CCDC146: variants seen among roughly 807,000 people sequenced by gnomAD.
CCDC146 encodes the protein coiled-coil domain-containing protein 146.
CCDC146 carries 92 observed loss-of-function variants against 119.3 expected under a neutral mutation model. That is an observed-to-expected ratio of 0.77 (90% CI 0.65 to 0.92). The LOEUF (loss-of-function observed/expected upper bound fraction) is 0.92. CCDC146 is among the 40% of genes least tolerant of loss of function. The pLI, the probability that CCDC146 is intolerant of heterozygous loss-of-function variation, is 0.00. For missense variants in CCDC146, 1,000 were observed against 1,103.0 expected (o/e 0.91, Z 1.32); for synonymous variants, 372 against 371.8 (o/e 1.00, Z -0.01).
intron 2 of CCDC146, among the ~76,000 whole-genome samples, chr7:77,215,332 T>G (rs1459365098): frequency 6.6e-6 from 1 of 152,078 alleles, no homozygotes; most frequent in Non-Finnish European, 1.5e-5. Flanking sequence ...CCAAATCCCT[T>G]TGACATGATT....
Position 77,196,082 on chromosome 7 carries a change from T to A in CCDC146, c.156+28258T>A, listed in dbSNP as rs1043550093. On this transcript the variant is annotated intron_variant, in intron 2 of 18. Transcript: ENST00000285871. The surrounding 1 kb of genome is among the most constrained non-coding windows in gnomAD (Gnocchi z 4.2). ...TAATTGCTTGCAAGTGTTCATTGGA[T>A]AACAGCATAACAACAAAGGACTCCT... 3.8e-6 allele frequency: 2 copies of A among 527,934 alleles called. No individual in the cohort carries two copies. Among genetic ancestry groups the A allele is most frequent in the African/African-American group, 3.8e-5 (2 of 52,906 alleles). 32.7% of individuals were successfully genotyped at this position (527,934 alleles called of 1,614,324 possible).
At chr7:77,214,527 T>C (rs1018990318) in intron 2 of CCDC146, among the ~76,000 whole-genome samples, 3 of 152,124 alleles carry the variant, frequency 2.0e-5, no homozygotes, top group African/African-American at 4.8e-5. Context: ...TCTAGTCTAA[T>C]GTTTAAAAGT....
At chr7:77,194,024 G>C (rs1428509655) in intron 2 of CCDC146, 6 of 152,368 alleles carry the variant, frequency 3.9e-5, no homozygotes, top group Non-Finnish European at 4.4e-5. Flanking sequence ...GAATTTACTA[G>C]AAAAGTGCTG....
rs1554358925 is a variant in CCDC146 at position 77,259,996 on chromosome 7, G to GTGTA, written c.759-12_759-11insGTAT. On this transcript the variant is annotated splice_polypyrimidine_tract_variant and intron_variant, in intron 7 of 18. Coordinates refer to ENST00000285871, the MANE Select transcript of CCDC146 (RefSeq NM_020879.3). ...TGTGTGTGTGTGTGTGTGTGTGTGTGTATCCCCTACAGAGAAATGGAAAAG... is the reference window on the plus strand; with the variant it reads ...TGTGTGTGTGTGTGTGTGTGTGTGTGTGTATATCCCCTACAGAGAAATGGAAAAG... 4 of 960,352 alleles carry GTGTA rather than the reference G, an allele frequency of 4.2e-6. No homozygotes were observed. Among genetic ancestry groups the GTGTA allele is most frequent in the Middle Eastern group, 3.3e-4 (1 of 3,076 alleles). 59.5% of individuals were successfully genotyped at this position (960,352 alleles called of 1,614,324 possible). A position where few individuals can be genotyped will look rare whatever the true frequency, so the allele number is the denominator to read the frequency against.
intron 2 of CCDC146, among the ~76,000 whole-genome samples, chr7:77,215,190 G>GTTT (rs34787359): frequency 1.1e-3 from 158 of 142,480 alleles, no homozygotes; most frequent in African/African-American, 2.1e-3. Flanking sequence ...TTTTTTTGGT[G>GTTT]TTTTTTTTTT....
chr7:77,254,761 A>C (rs915546919), intron 5 of CCDC146, among the ~76,000 whole-genome samples, 198 bp downstream of exon 5: 4 of 152,216 alleles, frequency 2.6e-5, no homozygotes, highest in Non-Finnish European at 5.9e-5. Flanking sequence ...AGACTTTAGC[A>C]ACTTGGCATC....
chr7:77,218,673 A>G (rs1314986641), intron 2 of CCDC146, among the ~76,000 whole-genome samples: 1 of 148,992 alleles, frequency 6.7e-6, no homozygotes, highest in African/African-American at 2.5e-5. Flanking sequence ...ATCACAACTC[A>G]CTGCAGCCTC....
At chr7:77,206,672 T>TATAC (rs1436760781) in intron 2 of CCDC146, among the ~76,000 whole-genome samples, 32 of 130,766 alleles carry the variant, frequency 2.4e-4, no homozygotes, top group East Asian at 8.6e-4. Flanking sequence ...TATATATATA[T>TATAC]ACACACACAC....
chr7:77,256,574 C>G, intron 6 of CCDC146, 65 bp downstream of exon 6: 2 of 1,296,314 alleles, frequency 1.5e-6, no homozygotes, highest in Non-Finnish European at 2.2e-6. Flanking sequence ...GTGTGGGTAT[C>G]AAGAGTAACC....
At chr7:77,143,063 C>T (rs565561918) in intron 1 of CCDC146, among the ~76,000 whole-genome samples, 2 of 151,790 alleles carry the variant, frequency 1.3e-5, no homozygotes, top group Admixed American at 6.6e-5. Context: ...TCTACACATC[C>T]TCTCCAGCAC....
chr7:77,237,084 G>C, intron 3 of CCDC146, 55 bp downstream of exon 3: 6 of 1,392,306 alleles, frequency 4.3e-6, no homozygotes, highest in Non-Finnish European at 6.1e-6. Context: ...TTTCTTACTG[G>C]TGATGAGACC....
intron 8 of CCDC146, among the ~76,000 whole-genome samples, chr7:77,260,814 A>G (rs892228629): frequency 5.3e-5 from 8 of 151,670 alleles, no homozygotes; most frequent in Non-Finnish European, 7.4e-5. Flanking sequence ...TCTTCTCATT[A>G]GAGACAGGGT....
chr7:77,290,523 G>A (rs1562864368), intron 17 of CCDC146, among the ~76,000 whole-genome samples: 1 of 152,194 alleles, frequency 6.6e-6, no homozygotes, highest in Non-Finnish European at 1.5e-5. Context: ...TTTACTCAAA[G>A]TGCATTAGCT....
In CCDC146 at chr7:77,196,978, A is replaced by T; in HGVS notation, c.156+29154A>T. ...AGTCAGAGCAATCTTTATATATTAG[A>T]TGTTGAACTGAAGGGGAAATAAAAG... is the stretch of plus-strand genomic sequence containing the variant. On this transcript the variant is annotated intron_variant, in intron 2 of 18. Coordinates refer to ENST00000285871, the MANE Select transcript of CCDC146 (RefSeq NM_020879.3). The surrounding 1 kb of genome is among the most constrained non-coding windows in gnomAD (Gnocchi z 4.2). 2 of 1,585,468 alleles carry T rather than the reference A, an allele frequency of 1.3e-6. No individual in the cohort carries two copies. Among genetic ancestry groups the T allele is most frequent in the Non-Finnish European group, 1.7e-6 (2 of 1,161,532 alleles).
intron 1 of CCDC146, among the ~76,000 whole-genome samples, chr7:77,139,307 G>C (rs564354006): frequency 1.5e-4 from 23 of 152,300 alleles, no homozygotes; most frequent in African/African-American, 4.8e-4. Context: ...TCTGGAAAAG[G>C]CAAAACTGTG....
chr7:77,292,475 G>T (rs1793965595), intron 17 of CCDC146, among the ~76,000 whole-genome samples: 1 of 151,054 alleles, frequency 6.6e-6, no homozygotes, highest in African/African-American at 2.4e-5. Context: ...AAATTAGCCG[G>T]GTATGGTGTT....
chr7:77,160,437 T>C (rs1791243822), intron 1 of CCDC146, among the ~76,000 whole-genome samples: 1 of 152,202 alleles, frequency 6.6e-6, no homozygotes, highest in South Asian at 2.1e-4. Context: ...TATCCTCTTT[T>C]ATTTCCTTGA....
intron 3 of CCDC146, 77 bp from the exon 4 acceptor site, chr7:77,241,614 C>A: frequency 8.0e-7 from 1 of 1,245,976 alleles, no homozygotes; most frequent in Non-Finnish European, 1.2e-6. Context: ...GAGCAGCTAT[C>A]CTCACTAGAC....
At chr7:77,270,987 T>TGGG (rs1793499945) in intron 9 of CCDC146, among the ~76,000 whole-genome samples, 1 of 151,470 alleles carries the variant, frequency 6.6e-6, no homozygotes, top group Admixed American at 6.6e-5. Flanking sequence ...TTGGCTTGTC[T>TGGG]TAGCTCATAT....
Sources: gnomAD v4.1 joint callset for allele counts (sites outside exome capture counted in the v4.1 genomes callset) on GRCh38, gnomAD v4.1.1 for gene constraint, Gnocchi (gnomAD v3.1) non-coding constraint, MANE v1.5 for transcripts, NCBI Gene and HGNC (gene_info 2026-07-23, HGNC 2026-07-21) for gene names.